ACER3: variants seen among roughly 807,000 people sequenced by gnomAD.
ACER3 encodes the protein alkCDase 3.
In ACER3, 16 loss-of-function variants were observed where a neutral mutation model predicts 48.9. The observed-to-expected ratio is 0.33, with a 90% confidence interval of 0.22 to 0.50. The LOEUF (loss-of-function observed/expected upper bound fraction) is 0.50. ACER3 is among the 20% of genes least tolerant of loss of function. ACER3 has a pLI of 0.98. For missense variants in ACER3, 227 were observed against 326.0 expected (o/e 0.70, Z 2.34); for synonymous variants, 109 against 107.8 (o/e 1.01, Z -0.07).
At chr11:76,887,862 A>G (rs1407766649) in intron 1 of ACER3, among the ~76,000 whole-genome samples, 2 of 125,842 alleles carry the variant, frequency 1.6e-5, no homozygotes, top group Non-Finnish European at 3.1e-5. Flanking sequence ...TCTGTTGTCC[A>G]GGCTGGAGTG....
At chr11:76,920,342 C>G (rs535743524) in intron 1 of ACER3, among the ~76,000 whole-genome samples, 1 of 152,296 alleles carries the variant, frequency 6.6e-6, no homozygotes, top group East Asian at 1.9e-4. Flanking sequence ...CTGACAAGTT[C>G]TGAACAGTAG....
intron 1 of ACER3, among the ~76,000 whole-genome samples, chr11:76,888,703 C>T (rs1320951348): frequency 6.6e-6 from 1 of 152,276 alleles, no homozygotes; most frequent in East Asian, 1.9e-4. Flanking sequence ...TAGCTTGCTT[C>T]TTCAAAGCCA....
At chr11:76,981,371 C>T (rs1402499103) in intron 4 of ACER3, among the ~76,000 whole-genome samples, 3 of 152,196 alleles carry the variant, frequency 2.0e-5, no homozygotes, top group Non-Finnish European at 2.9e-5. Flanking sequence ...TTTTAATCCA[C>T]TGTATTGACA....
chr11:76,869,138 CT>C (rs1945176892), intron 1 of ACER3, among the ~76,000 whole-genome samples: 1 of 152,202 alleles, frequency 6.6e-6, no homozygotes, highest in Admixed American at 6.5e-5. Flanking sequence ...AGCCCTCAAC[CT>C]GTAGGAGCTG....
At chr11:76,889,846 C>CT (rs1463716335) in intron 1 of ACER3, among the ~76,000 whole-genome samples, 2 of 151,450 alleles carry the variant, frequency 1.3e-5, no homozygotes, top group African/African-American at 4.8e-5. Flanking sequence ...GGTATTGTTT[C>CT]TTTTTTTCAA....
intron 6 of ACER3, among the ~76,000 whole-genome samples, chr11:76,993,420 T>A (rs1253565497): frequency 6.6e-6 from 1 of 152,140 alleles, no homozygotes; most frequent in African/African-American, 2.4e-5. Flanking sequence ...GCCACTAATC[T>A]CAAGAAGATC....
chr11:76,998,420 G>GC, intron 6 of ACER3: 1 of 253,582 alleles, frequency 3.9e-6, no homozygotes, highest in South Asian at 5.2e-5. Flanking sequence ...TTTGCTGAAA[G>GC]CAAAGCTAAA....
intron 2 of ACER3, among the ~76,000 whole-genome samples, chr11:76,956,541 A>G (rs542112589): frequency 6.6e-6 from 1 of 152,272 alleles, no homozygotes; most frequent in African/African-American, 2.4e-5. Context: ...TGTGAGCAAA[A>G]GCAGGGAAAA....
intron 1 of ACER3, among the ~76,000 whole-genome samples, chr11:76,903,243 A>C (rs971291832): frequency 2.0e-4 from 30 of 152,176 alleles, no homozygotes; most frequent in African/African-American, 7.2e-4. Flanking sequence ...AGAGTCAACT[A>C]TATGTGTTAT....
intron 1 of ACER3, among the ~76,000 whole-genome samples, chr11:76,898,941 G>A (rs1016707325): frequency 1.4e-5 from 2 of 146,070 alleles, no homozygotes; most frequent in African/African-American, 2.6e-5. Flanking sequence ...AATCCTCGTT[G>A]GTGATCTTCC....
At chr11:76,961,900 G>A (rs1397633493) in intron 3 of ACER3, among the ~76,000 whole-genome samples, 2 of 149,960 alleles carry the variant, frequency 1.3e-5, no homozygotes, top group African/African-American at 5.0e-5. Context: ...CTTAAAAAGG[G>A]GAGAAAGAAT....
intron 2 of ACER3, among the ~76,000 whole-genome samples, chr11:76,945,376 TC>T (rs1218161673): frequency 1.3e-5 from 2 of 152,198 alleles, no homozygotes; most frequent in Non-Finnish European, 2.9e-5. Context: ...CAGAATTTTT[TC>T]CTGAAGATAG....
At chr11:76,873,317 A>G (rs1015219937) in intron 1 of ACER3, among the ~76,000 whole-genome samples, 2 of 152,178 alleles carry the variant, frequency 1.3e-5, no homozygotes, top group African/African-American at 4.8e-5. Flanking sequence ...ATCTTTTCTC[A>G]GTGTTATCTC....
At chr11:76,995,715 A>C in intron 6 of ACER3, among the ~76,000 whole-genome samples, 1 of 152,182 alleles carries the variant, frequency 6.6e-6, no homozygotes, top group East Asian at 1.9e-4. Context: ...GGAGACAATG[A>C]ATACTAGGTA....
chr11:76,971,329 CA>C (rs1448377881), intron 3 of ACER3, among the ~76,000 whole-genome samples: 1 of 152,022 alleles, frequency 6.6e-6, no homozygotes, highest in Non-Finnish European at 1.5e-5. Context: ...ATCACGAGGT[CA>C]AGAGATCAAG....
chr11:77,018,532 AT>A (rs1949415611), intron 9 of ACER3, among the ~76,000 whole-genome samples: 1 of 152,262 alleles, frequency 6.6e-6, no homozygotes, highest in Non-Finnish European at 1.5e-5. Context: ...TGAGGAACGT[AT>A]GTTGAAAGCT....
chr11:76,904,206 C>G (rs1327557644), intron 1 of ACER3, among the ~76,000 whole-genome samples: 3 of 151,984 alleles, frequency 2.0e-5, no homozygotes, highest in Admixed American at 2.0e-4. Context: ...AGGCTAGTCT[C>G]GAACTCCTGA....
intron 2 of ACER3, among the ~76,000 whole-genome samples, chr11:76,946,974 T>A (rs766248820): frequency 5.3e-5 from 8 of 152,116 alleles, no homozygotes; most frequent in African/African-American, 1.9e-4. Flanking sequence ...TTTTTCTACA[T>A]CCAGGACCCT....
intron 5 of ACER3, among the ~76,000 whole-genome samples, chr11:76,986,615 A>T (rs1163144001): frequency 1.3e-5 from 2 of 152,376 alleles, no homozygotes; most frequent in East Asian, 3.9e-4. Context: ...TCATTGTCTC[A>T]TTAAATCATC....
Sources: allele counts gnomAD v4.1 joint callset (sites outside exome capture counted in the v4.1 genomes callset), GRCh38; gene constraint gnomAD v4.1.1; transcripts MANE v1.5; gene names NCBI Gene and HGNC (gene_info 2026-07-23, HGNC 2026-07-21).